Variants in SNRNP200 observed in about 807,000 individuals in gnomAD.
The protein encoded by SNRNP200 is small nuclear ribonucleoprotein U5 subunit 200, also known as U5 small nuclear ribonucleoprotein 200 kDa helicase.
Under a neutral mutation model 255.2 loss-of-function variants are expected in SNRNP200, and 66 were observed. The observed-to-expected ratio is 0.26, with a 90% CI of 0.21 to 0.32. The LOEUF is 0.32. SNRNP200 is among the 10% of genes least tolerant of loss of function. The pLI, the probability that SNRNP200 is intolerant of heterozygous loss-of-function variation, is 1.00. For missense variants in SNRNP200, 1,585 were observed against 2,749.8 expected, an observed-to-expected ratio of 0.58 and a Z score of 9.47; for synonymous variants, 939 against 1,027.8, an observed-to-expected ratio of 0.91 and a Z score of 1.65.
At chr2:96,297,745 A>G (rs1488235255) in intron 9 of SNRNP200, 25 bp from the exon 10 acceptor site, 1 of 1,613,212 alleles carries the variant, frequency 6.2e-7, no homozygotes, top group African/African-American at 1.3e-5. Context: ...GATAAAAATC[A>G]CAAAAACAAT....
At chr2:96,297,267 A>G (rs2063922656) in intron 11 of SNRNP200, 96 bp downstream of exon 11, 1 of 1,555,846 alleles carries the variant, frequency 6.4e-7, no homozygotes, top group South Asian at 1.1e-5. Flanking sequence ...GCCCTGAAAT[A>G]AACTATATAT....
chr2:96,293,579 C>A, intron 14 of SNRNP200, 70 bp from the exon 15 acceptor site: 1 of 1,453,318 alleles, frequency 6.9e-7, no homozygotes, highest in East Asian at 2.3e-5. Flanking sequence ...GGAATTGTCC[C>A]ATATTGTAGG....
rs1162677497 is a variant in SNRNP200 at position 96,283,546 on chromosome 2, G to T, written c.4752C>A (p.Ile1584=). 1 of 1,614,136 alleles carries T rather than the reference G, an allele frequency of 6.2e-7. No individual in the cohort carries two copies. The highest frequency in any genetic ancestry group is 8.5e-7 in the Non-Finnish European group (1 of 1,180,040). Reference sequence around the variant, plus strand: ...CAGGCCCCACCTACCTCTGCCGTTGGATGTCTGCTGCACAGGTGGTGAGGA... The same window carrying T: ...CAGGCCCCACCTACCTCTGCCGTTGTATGTCTGCTGCACAGGTGGTGAGGA... ...IDILTTCAAD[I]QRQRFLHCTE... is the part of the protein sequence containing the mutation. Residue 1584 remains isoleucine (I), a synonymous_variant, in exon 33 of 45, where the codon ATC becomes ATA. Transcript: ENST00000323853. The surrounding 1 kb of genome is among the most constrained non-coding windows in gnomAD (Gnocchi z 4.7).
Position 96,303,255 on chromosome 2 carries a change from A to G in SNRNP200, c.285T>C (p.Asp95=). 2 of 1,614,016 alleles carry G rather than the reference A, an allele frequency of 1.2e-6. No individual in the cohort carries two copies. Among genetic ancestry groups the G allele is most frequent in the Non-Finnish European group, 1.7e-6 (2 of 1,179,876 alleles). Residue 95 remains aspartate, a synonymous_variant, in exon 3 of 45, where the codon GAT becomes GAC. Transcript: ENST00000323853. ...KGYTLLSEGI[D]EMVGIIYKPK... ...GCTTGTAGATGATGCCCACCATCTC[A>G]TCAATGCCCTCCGACAGCAGAGTAT... is the stretch of plus-strand genomic sequence containing the variant.
At chr2:96,292,838 C>A in intron 16 of SNRNP200, 134 bp downstream of exon 16, 1 of 1,012,614 alleles carries the variant, frequency 9.9e-7, no homozygotes, top group Non-Finnish European at 1.5e-6. Context: ...GTAGTAATAT[C>A]CCATTTCATA....
Position 96,291,694 on chromosome 2 carries a change from C to G in SNRNP200, c.2310+57G>C. The G allele has an allele frequency of 6.2e-7, 1 of 1,600,944 alleles. No individual in the cohort carries two copies. The highest frequency in any genetic ancestry group is 8.5e-7 in the Non-Finnish European group (1 of 1,169,612). On this transcript the variant is annotated intron_variant, in intron 17 of 44. Transcript: ENST00000323853. The surrounding 1 kb of genome is among the most constrained non-coding windows in gnomAD (Gnocchi z 4.2). ...CAGTCCTAGAGGAGCTGTCTGGGGC[C>G]TGAGATGGACACAGCTGCCAGGTAG...
chr2:96,305,305 T>C, intron 1 of SNRNP200, 88 bp downstream of exon 1: 1 of 1,533,636 alleles, frequency 6.5e-7, no homozygotes, highest in Non-Finnish European at 9.0e-7. Context: ...GGCTCTCCTG[T>C]AGGCCTTCAG....
In SNRNP200 at chr2:96,278,444, T is replaced by C; in HGVS notation, c.5489-86A>G. 3 of 1,611,080 alleles carry C rather than the reference T, an allele frequency of 1.9e-6. No homozygotes were observed. The highest frequency in any genetic ancestry group is 1.7e-6 in the Non-Finnish European group (2 of 1,179,060). On this transcript the variant is annotated intron_variant, in intron 38 of 44. Coordinates refer to ENST00000323853, the MANE Select transcript of SNRNP200 (RefSeq NM_014014.5). This position sits in a 1 kb window ranked among gnomAD's most constrained non-coding sequence, Gnocchi z 6.9. ...CGGGCTCCCCTGCTGTCCCCTGCAG[T>C]GTCATCCCGCTGACAAACACGGGCG...
rs373610613 is a variant in SNRNP200 at position 96,290,260 on chromosome 2, G to C, written c.2742+66C>G. On this transcript the variant is annotated intron_variant, in intron 20 of 44. Coordinates refer to ENST00000323853, the MANE Select transcript of SNRNP200 (RefSeq NM_014014.5). This position sits in a 1 kb window ranked among gnomAD's most constrained non-coding sequence, Gnocchi z 4.5. Reference sequence around the variant, plus strand: ...GCTGGCCCGCAGCACAATAGGGACCGACCCACTCCTGGTGCCTTGGTGTCT... The same window carrying C: ...GCTGGCCCGCAGCACAATAGGGACCCACCCACTCCTGGTGCCTTGGTGTCT... The C allele has an allele frequency of 6.4e-7, 1 of 1,556,028 alleles. No individual in the cohort carries two copies. The highest frequency in any genetic ancestry group is 1.4e-5 in the African/African-American group (1 of 73,698).
chr2:96,292,241 G>A lies in SNRNP200; in HGVS notation c.2161-341C>T, dbSNP rs142182097. 2.8e-3 allele frequency among the ~76,000 whole-genome samples: 427 copies of A among 152,310 alleles called. 1 individual carries two copies. Among genetic ancestry groups the A allele is most frequent in the African/African-American group, 9.6e-3 (401 of 41,560 alleles). ...AAGAGTCAAAGCTGCATGAAAATGT[G>A]TCTGCAAAATAACAACTAAAACATT... On this transcript the variant is annotated intron_variant, in intron 16 of 44. Coordinates refer to ENST00000323853, the MANE Select transcript of SNRNP200 (RefSeq NM_014014.5).
In SNRNP200 at chr2:96,281,868, G is replaced by C; in HGVS notation, c.4970C>G (p.Ala1657Gly). ...SRSLCWGMNV[A>G]AHLVIIMDTQ... is the part of the protein sequence containing the mutation. ...ATCCATGATGATTACCAGGTGGGCA[G>C]CCACGTTCATGCCCCAGCAGAGACT... The change falls in exon 35 of 45, where the codon GCT becomes GGT. Residue 1657 changes from alanine to glycine, a missense_variant. Physicochemically the swap from Ala to Gly is moderately conservative, Grantham distance 60 (BLOSUM62 0). Coordinates refer to ENST00000323853, the MANE Select transcript of SNRNP200 (RefSeq NM_014014.5). 6.2e-7 allele frequency: 1 copy of C among 1,614,168 alleles called. No individual in the cohort carries two copies. Among genetic ancestry groups the C allele is most frequent in the Non-Finnish European group, 8.5e-7 (1 of 1,180,012 alleles).
Position 96,274,745 on chromosome 2 carries a change from T to G in SNRNP200, c.*267A>C, listed in dbSNP as rs1309277510. On this transcript the variant is annotated 3_prime_UTR_variant, in exon 45 of 45. Transcript: ENST00000323853. Reference sequence around the variant, plus strand: ...ACAAAGACAAATGGTTTCTACAAATTATTTTATTAGAATGTCAGACTCAAA... The same window carrying G: ...ACAAAGACAAATGGTTTCTACAAATGATTTTATTAGAATGTCAGACTCAAA... The G allele has an allele frequency of 3.9e-6, 2 of 513,568 alleles. No individual in the cohort carries two copies. The highest frequency in any genetic ancestry group is 3.5e-5 in the East Asian group (1 of 28,208). 31.8% of individuals were successfully genotyped at this position (513,568 alleles called of 1,614,324 possible).
At position 96,277,902 on chromosome 2, in the gene SNRNP200, G is replaced by T; in HGVS notation, c.5659C>A (p.Pro1887Thr). The T allele has an allele frequency of 1.2e-6, 2 of 1,614,238 alleles. No homozygotes were observed. The highest frequency in any genetic ancestry group is 1.7e-6 in the Non-Finnish European group (2 of 1,180,054). ...HKLNNPKFND[P>T]HVKTNLLLQA... ...AGGAGCAGGTTGGTCTTGACGTGCG[G>T]ATCATTGAACTTAGGGTTATTCAGC... The change falls in exon 40 of 45, where the codon CCG becomes ACG. Residue 1887 changes from proline to threonine, a missense_variant. By Grantham distance (38) the Pro-to-Thr change is conservative (BLOSUM62 -1). This residue lies in a region of SNRNP200 where 279 missense variants were observed against 551.2 expected (regional missense o/e 0.51). Coordinates refer to ENST00000323853, the MANE Select transcript of SNRNP200 (RefSeq NM_014014.5). This position sits in a 1 kb window ranked among gnomAD's most constrained non-coding sequence, Gnocchi z 4.4.
At chr2:96,293,634 C>T (rs1029230584) in intron 14 of SNRNP200, 125 bp from the exon 15 acceptor site, 2 of 793,664 alleles carry the variant, frequency 2.5e-6, no homozygotes, top group African/African-American at 3.4e-5. Context: ...GGATCCCAAG[C>T]CACAGATGCC....
Position 96,288,728 on chromosome 2 carries a change from C to T in SNRNP200, c.3193G>A (p.Ala1065Thr), listed in dbSNP as rs2104347040. Residue 1065 changes from alanine (A) to threonine (T), a missense_variant, in exon 24 of 45, where the codon GCC becomes ACC. Physicochemically the swap from Ala to Thr is moderately conservative, Grantham distance 58. Around this residue, in one of 9 missense-constraint regions of SNRNP200, gnomAD observed 719 missense variants for 1,091.1 expected, o/e 0.66. Coordinates refer to ENST00000323853, the MANE Select transcript of SNRNP200 (RefSeq NM_014014.5). Reference protein sequence around the residue: ...PSAKINVLLQAFISQLKLEGF... With the variant: ...PSAKINVLLQTFISQLKLEGF... ...TCCAATTTCAGCTGTGAGATGAAGG[C>T]TTGCAGAAGAACGTTGATCTGTAAA... is the stretch of plus-strand genomic sequence containing the variant. The T allele has an allele frequency of 4.3e-6, 7 of 1,614,088 alleles. No homozygotes were observed. The highest frequency in any genetic ancestry group is 5.9e-6 in the Non-Finnish European group (7 of 1,180,018).
intron 43 of SNRNP200, among the ~76,000 whole-genome samples, chr2:96,275,938 G>A (rs528377361): frequency 2.0e-5 from 3 of 152,308 alleles, no homozygotes; most frequent in Admixed American, 6.5e-5. Flanking sequence ...TCCGGGAGGC[G>A]GAGCTTGCAG....
At position 96,299,309 on chromosome 2, in the gene SNRNP200, G is replaced by T; in HGVS notation, c.729+20C>A. 6.2e-7 allele frequency: 1 copy of T among 1,607,742 alleles called. No homozygotes were observed. Among genetic ancestry groups the T allele is most frequent in the Non-Finnish European group, 8.5e-7 (1 of 1,174,436 alleles). On this transcript the variant is annotated intron_variant, in intron 6 of 44. Transcript: ENST00000323853. ...CCAGAAGTAACCTTGTAGCAATGAGGAAGAGCAAACTGAACTTACATTAGC... is the reference window on the plus strand; with the variant it reads ...CCAGAAGTAACCTTGTAGCAATGAGTAAGAGCAAACTGAACTTACATTAGC...
chr2:96,281,564 T>A (rs939042456), intron 35 of SNRNP200: 101 of 486,160 alleles, frequency 2.1e-4, no homozygotes, highest in Non-Finnish European at 3.4e-5. Flanking sequence ...TGACGTAACG[T>A]CAAACATTCC....
At chr2:96,295,721 T>C in intron 13 of SNRNP200, 63 bp from the exon 14 acceptor site, 2 of 1,576,862 alleles carry the variant, frequency 1.3e-6, no homozygotes, top group Non-Finnish European at 1.7e-6. Context: ...ATGCTTTCTG[T>C]TTGGGCAATT....
Sources: gnomAD v4.1 joint callset for allele counts (sites outside exome capture counted in the v4.1 genomes callset) on GRCh38, gnomAD v4.1.1 for gene constraint, gnomAD v4.1.1 regional missense constraint, Gnocchi (gnomAD v3.1) non-coding constraint, MANE v1.5 for transcripts, NCBI Gene and HGNC (gene_info 2026-07-23, HGNC 2026-07-21) for gene names.